ST6GALNAC5: variants seen among roughly 807,000 people sequenced by gnomAD.
ST6GALNAC5 encodes the protein alpha-N-acetylgalactosaminide alpha-2,6-sialyltransferase 5.
ST6GALNAC5 carries 27 observed loss-of-function variants against 33.6 expected under a neutral mutation model. That is an observed-to-expected ratio of 0.80 (90% confidence interval 0.59 to 1.11). The LOEUF (loss-of-function observed/expected upper bound fraction) is 1.11, where lower values mean the gene tolerates loss of function less well. Among genes scored for constraint, ST6GALNAC5 ranks in the 50% least tolerant of loss-of-function variants. ST6GALNAC5 has a pLI of 0.00. For missense variants in ST6GALNAC5, 428 were observed against 454.0 expected (o/e 0.94, Z 0.52); for synonymous variants, 194 against 171.2 (o/e 1.13, Z -1.04).
intron 2 of ST6GALNAC5, among the ~76,000 whole-genome samples, chr1:77,027,995 G>A (rs1228615140): frequency 6.6e-6 from 1 of 152,186 alleles, no homozygotes; most frequent in African/African-American, 2.4e-5. Context: ...AGCCCCGAGT[G>A]CAACTAAAAA....
chr1:77,064,039 C>CA lies in ST6GALNAC5; in HGVS notation c.*840dup, dbSNP rs548986428. ...AAAACCAAAAACTATGTTATTAAAA[C>CA]AAAAAAATGCTAACAAGAGAAATTT... On this transcript the variant is annotated 3_prime_UTR_variant, in exon 5 of 5. Transcript: ENST00000477717. 166 of 152,160 alleles carry CA rather than the reference C, an allele frequency of 1.1e-3. No individual in the cohort carries two copies. The highest frequency in any genetic ancestry group is 1.9e-3 in the Non-Finnish European group (131 of 67,906). The allele number at this position is 152,160 out of a possible 1,614,324, so 9.4% of individuals were successfully genotyped here.
intron 2 of ST6GALNAC5, among the ~76,000 whole-genome samples, chr1:77,025,895 G>A (rs1651214334): frequency 6.6e-6 from 1 of 152,118 alleles, no homozygotes; most frequent in Admixed American, 6.5e-5. Context: ...ACACAGGCAG[G>A]TCAGCTCAGT....
chr1:77,013,864 A>C (rs1317074111), intron 2 of ST6GALNAC5, among the ~76,000 whole-genome samples: 1 of 152,186 alleles, frequency 6.6e-6, no homozygotes, highest in East Asian at 1.9e-4. Context: ...CTAATTATTC[A>C]ATCAACGATT....
intron 2 of ST6GALNAC5, among the ~76,000 whole-genome samples, chr1:76,941,688 G>C (rs1301305100): frequency 2.0e-5 from 3 of 152,094 alleles, no homozygotes; most frequent in African/African-American, 4.8e-5. Flanking sequence ...GCAGAGACTG[G>C]AGTGAGGCAA....
At chr1:77,051,370 G>A (rs887966876) in intron 4 of ST6GALNAC5, among the ~76,000 whole-genome samples, 1 of 152,158 alleles carries the variant, frequency 6.6e-6, no homozygotes, top group Non-Finnish European at 1.5e-5. Context: ...CCGCAAAGGA[G>A]GAGAGAGAGG....
chr1:77,046,894 G>A (rs555611511), intron 3 of ST6GALNAC5, among the ~76,000 whole-genome samples: 2 of 152,274 alleles, frequency 1.3e-5, no homozygotes, highest in South Asian at 4.1e-4. Flanking sequence ...ATCATTTTAA[G>A]CTGATAAGTT....
At chr1:76,905,303 T>A (rs60835048) in intron 2 of ST6GALNAC5, among the ~76,000 whole-genome samples, 5,715 of 152,194 alleles carry the variant, frequency 0.038, 243 homozygotes, top group African/African-American at 0.11. Context: ...AAAGAGTAGA[T>A]CCCTTCCAGC....
chr1:76,909,103 C>A (rs576291743), intron 2 of ST6GALNAC5, among the ~76,000 whole-genome samples: 1 of 152,214 alleles, frequency 6.6e-6, no homozygotes, highest in Admixed American at 6.6e-5. Flanking sequence ...TCTCTCGGCA[C>A]TTTTCATTTT....
Position 77,065,303 on chromosome 1 carries a change from C to T in ST6GALNAC5, c.*2097C>T, listed in dbSNP as rs151127371. The T allele has an allele frequency of 1.1e-4, 16 of 152,238 alleles. No homozygotes were observed. Among genetic ancestry groups the T allele is most frequent in the African/African-American group, 1.4e-4 (6 of 41,544 alleles). 9.4% of individuals were successfully genotyped at this position (152,238 alleles called of 1,614,324 possible). On this transcript the variant is annotated 3_prime_UTR_variant, in exon 5 of 5. Coordinates refer to ENST00000477717, the MANE Select transcript of ST6GALNAC5 (RefSeq NM_030965.3). ...AACATGCAAGAATGTAATTATATTGCTTCATCTAATAATATCTCACATATC... is the reference window on the plus strand; with the variant it reads ...AACATGCAAGAATGTAATTATATTGTTTCATCTAATAATATCTCACATATC...
At position 76,998,096 on chromosome 1, in the gene ST6GALNAC5, G is replaced by A. The variant is rs566810738; in HGVS notation, c.262-46108G>A. Among the ~76,000 whole-genome samples the A allele has an allele frequency of 3.3e-5, 5 of 152,070 alleles. No individual in the cohort carries two copies. The South Asian group carries it at 8.3e-4, about 25-fold the overall frequency. ...TTTCCTGAGGCCTTCACAGCTATGC[G>A]GAACTACGAGTCAATTAAACCTCTT... is the stretch of plus-strand genomic sequence containing the variant. On this transcript the variant is annotated intron_variant, in intron 2 of 4. Coordinates refer to ENST00000477717, the MANE Select transcript of ST6GALNAC5 (RefSeq NM_030965.3).
chr1:76,929,871 G>C (rs368445949), intron 2 of ST6GALNAC5, among the ~76,000 whole-genome samples: 2 of 152,226 alleles, frequency 1.3e-5, no homozygotes, highest in Non-Finnish European at 2.9e-5. Flanking sequence ...AGCCCTTTGG[G>C]AGGTCAAGGT....
intron 2 of ST6GALNAC5, among the ~76,000 whole-genome samples, chr1:77,001,635 TA>T (rs1462971505): frequency 6.6e-6 from 1 of 152,144 alleles, no homozygotes; most frequent in Non-Finnish European, 1.5e-5. Context: ...GAGTTTGTCG[TA>T]GATAGCTCTT....
At chr1:76,986,406 T>C (rs753078872) in intron 2 of ST6GALNAC5, among the ~76,000 whole-genome samples, 29 of 152,068 alleles carry the variant, frequency 1.9e-4, no homozygotes, top group Non-Finnish European at 4.1e-4. Flanking sequence ...AACAGACACA[T>C]GAAAAAATGC....
chr1:76,894,098 A>T (rs958434164), intron 2 of ST6GALNAC5, among the ~76,000 whole-genome samples: 3 of 152,204 alleles, frequency 2.0e-5, no homozygotes, highest in Non-Finnish European at 4.4e-5. Flanking sequence ...GGTTCAAGAC[A>T]ATGCCATTAT....
At chr1:76,991,989 AT>A (rs1235689021) in intron 2 of ST6GALNAC5, among the ~76,000 whole-genome samples, 1 of 152,184 alleles carries the variant, frequency 6.6e-6, no homozygotes, top group Non-Finnish European at 1.5e-5. Context: ...ATAAGTAAAT[AT>A]TTTTAAAATT....
At chr1:76,932,397 G>A (rs891823495) in intron 2 of ST6GALNAC5, among the ~76,000 whole-genome samples, 1 of 152,098 alleles carries the variant, frequency 6.6e-6, no homozygotes, top group Non-Finnish European at 1.5e-5. Context: ...AGGTGTGGGG[G>A]ATAAGTCAGA....
chr1:76,942,353 C>T (rs149039575), intron 2 of ST6GALNAC5, among the ~76,000 whole-genome samples: 1 of 152,218 alleles, frequency 6.6e-6, no homozygotes, highest in East Asian at 1.9e-4. Context: ...ACATTGGTCA[C>T]ATGAAGTGTT....
intron 4 of ST6GALNAC5, 41 bp from the exon 5 acceptor site, chr1:77,062,934 A>G: frequency 1.3e-6 from 2 of 1,558,010 alleles, no homozygotes; most frequent in Non-Finnish European, 1.8e-6. Flanking sequence ...AGGAAAAAAA[A>G]TTTTTTTGCT....
chr1:76,874,534 C>A (rs1410982106), intron 2 of ST6GALNAC5, among the ~76,000 whole-genome samples: 1 of 152,104 alleles, frequency 6.6e-6, no homozygotes, highest in East Asian at 1.9e-4. Flanking sequence ...CAGTCTAAGT[C>A]TCAAAACTGT....
Sources: gnomAD v4.1 joint callset for allele counts (sites outside exome capture counted in the v4.1 genomes callset) on GRCh38, gnomAD v4.1.1 for gene constraint, MANE v1.5 for transcripts, NCBI Gene and HGNC (gene_info 2026-07-23, HGNC 2026-07-21) for gene names.